The following SORCS3 variants were observed in gnomAD, a reference collection of about 807,000 sequenced individuals.
The protein encoded by SORCS3 is sortilin related VPS10 domain containing receptor 3.
SORCS3 carries 57 observed loss-of-function variants against 146.3 expected under a neutral mutation model. That is an observed-to-expected ratio of 0.39 (90% CI 0.31 to 0.49). The LOEUF (loss-of-function observed/expected upper bound fraction) is 0.49, where lower values mean the gene tolerates loss of function less well. SORCS3 is among the 20% of genes least tolerant of loss of function. The probability of loss-of-function intolerance (pLI) is 0.92; values close to 1 mark genes in which losing one functional copy is unlikely to be tolerated. For missense variants in SORCS3, 1,341 were observed against 1,575.5 expected (o/e 0.85, Z 2.52); for synonymous variants, 653 against 618.5 (o/e 1.06, Z -0.83).
chr10:104,691,395 T>C (rs2016109811), intron 1 of SORCS3, among the ~76,000 whole-genome samples: 3 of 152,152 alleles, frequency 2.0e-5, no homozygotes, highest in African/African-American at 7.2e-5. Context: ...CATAGAGAAG[T>C]CTTTGCTGGA....
At chr10:105,166,893 G>A (rs2056318747) in intron 12 of SORCS3, among the ~76,000 whole-genome samples, 1 of 152,134 alleles carries the variant, frequency 6.6e-6, no homozygotes, top group Admixed American at 6.6e-5. Context: ...AAGAAGAGAA[G>A]GCTGAGTAGT....
chr10:104,915,392 G>A (rs960555283), intron 2 of SORCS3, among the ~76,000 whole-genome samples: 1 of 152,014 alleles, frequency 6.6e-6, no homozygotes, highest in African/African-American at 2.4e-5. Flanking sequence ...GTTGAAGTTG[G>A]TTGTACCCTG....
At chr10:105,166,613 A>G (rs1337818867) in intron 12 of SORCS3, among the ~76,000 whole-genome samples, 3 of 152,132 alleles carry the variant, frequency 2.0e-5, no homozygotes, top group Non-Finnish European at 1.5e-5. Context: ...GAATGAGTGA[A>G]TGGATGGATA....
At position 105,264,282 on chromosome 10, in the gene SORCS3, C is replaced by T. The variant is rs961178333; in HGVS notation, c.*908C>T. The T allele has an allele frequency of 3.3e-5, 5 of 152,004 alleles. No homozygotes were observed. The highest frequency in any genetic ancestry group is 1.2e-4 in the African/African-American group (5 of 41,376). 9.4% of individuals were successfully genotyped at this position (152,004 alleles called of 1,614,324 possible). On this transcript the variant is annotated 3_prime_UTR_variant, in exon 27 of 27. Transcript: ENST00000369701. ...CCCACTAGAGGCTTCATACTGAGAC[C>T]CAGATGGGGGAAAACAGCTTCCTCT...
At chr10:105,235,748 T>C (rs1440727581) in intron 20 of SORCS3, among the ~76,000 whole-genome samples, 1 of 151,878 alleles carries the variant, frequency 6.6e-6, no homozygotes, top group African/African-American at 2.4e-5. Flanking sequence ...ACATGGACCT[T>C]GGATTTAGGG....
At chr10:104,986,729 A>C (rs1156505516) in intron 4 of SORCS3, among the ~76,000 whole-genome samples, 2 of 152,178 alleles carry the variant, frequency 1.3e-5, no homozygotes, top group African/African-American at 4.8e-5. Flanking sequence ...ACAGGGAGAG[A>C]GATAGGAGAA....
At chr10:105,215,984 T>TG (rs1325803802) in intron 18 of SORCS3, among the ~76,000 whole-genome samples, 2 of 2,784 alleles carry the variant, frequency 7.2e-4, no homozygotes, top group Non-Finnish European at 1.4e-3. Context: ...AATGGTGGGG[T>TG]GGGGGGGTGG....
intron 7 of SORCS3, among the ~76,000 whole-genome samples, chr10:105,132,416 A>T (rs936139106): frequency 6.6e-6 from 1 of 152,206 alleles, no homozygotes; most frequent in African/African-American, 2.4e-5. Flanking sequence ...CTCTCTTCTA[A>T]GATTACCTAT....
Position 104,813,286 on chromosome 10 carries a change from A to C in SORCS3, c.628-29506A>C, listed in dbSNP as rs1298388722. Among the ~76,000 whole-genome samples the C allele has an allele frequency of 2.6e-5, 4 of 152,220 alleles. No individual in the cohort carries two copies. In the South Asian group the frequency reaches 8.3e-4, roughly 32 times the overall value. ...ATCTGCTAAGGGTGTTTGTGACTTC[A>C]CATTGTGAAAGGTATCCTCACTTTA... On this transcript the variant is annotated intron_variant, in intron 1 of 26. Transcript: ENST00000369701.
chr10:104,875,033 A>G (rs2018556863), intron 2 of SORCS3, among the ~76,000 whole-genome samples: 1 of 152,170 alleles, frequency 6.6e-6, no homozygotes, highest in Non-Finnish European at 1.5e-5. Flanking sequence ...TTGTGTTTTC[A>G]TTTGAATACA....
chr10:105,234,430 C>G (rs1270271564), intron 20 of SORCS3, among the ~76,000 whole-genome samples: 1 of 151,746 alleles, frequency 6.6e-6, no homozygotes, highest in African/African-American at 2.4e-5. Context: ...TCTGACATTA[C>G]TTTGCTATGA....
At chr10:104,775,333 G>C (rs1383619120) in intron 1 of SORCS3, among the ~76,000 whole-genome samples, 1 of 152,232 alleles carries the variant, frequency 6.6e-6, no homozygotes. Flanking sequence ...TTTGAAGCAA[G>C]TAAGTGCTCA....
At chr10:104,813,154 A>G (rs2017758202) in intron 1 of SORCS3, among the ~76,000 whole-genome samples, 1 of 152,134 alleles carries the variant, frequency 6.6e-6, no homozygotes, top group Non-Finnish European at 1.5e-5. Flanking sequence ...AAATGTGCCA[A>G]AGTATTTTCA....
chr10:105,236,070 G>T (rs1273245483), intron 20 of SORCS3, among the ~76,000 whole-genome samples: 1 of 152,094 alleles, frequency 6.6e-6, no homozygotes, highest in African/African-American at 2.4e-5. Context: ...TGCATTATAT[G>T]TGCCTCATAT....
At chr10:104,984,660 G>A (rs1047857229) in intron 4 of SORCS3, among the ~76,000 whole-genome samples, 2 of 152,102 alleles carry the variant, frequency 1.3e-5, no homozygotes, top group Non-Finnish European at 2.9e-5. Flanking sequence ...TAATATCCAT[G>A]TAGCGACATA....
chr10:105,036,992 C>T (rs1433491262), intron 4 of SORCS3, among the ~76,000 whole-genome samples: 2 of 152,120 alleles, frequency 1.3e-5, no homozygotes, highest in African/African-American at 2.4e-5. Context: ...TCACTTCTAC[C>T]GGGGAGATAC....
intron 8 of SORCS3, among the ~76,000 whole-genome samples, chr10:105,139,859 G>A (rs2056083581): frequency 6.6e-6 from 1 of 152,158 alleles, no homozygotes; most frequent in Non-Finnish European, 1.5e-5. Flanking sequence ...ACGCATAAAA[G>A]TGCACAGATA....
intron 7 of SORCS3, among the ~76,000 whole-genome samples, chr10:105,137,696 T>C (rs773581119): frequency 6.6e-6 from 1 of 152,212 alleles, no homozygotes; most frequent in Non-Finnish European, 1.5e-5. Flanking sequence ...TAGAAAATTC[T>C]TGATCCCCAA....
chr10:105,093,092 TCTC>T (rs1589629186), intron 6 of SORCS3, among the ~76,000 whole-genome samples: 1 of 152,076 alleles, frequency 6.6e-6, no homozygotes, highest in African/African-American at 2.4e-5. Flanking sequence ...CATAAGAAAA[TCTC>T]CTAGAACTAA....
Sources: allele counts gnomAD v4.1 joint callset (sites outside exome capture counted in the v4.1 genomes callset), GRCh38; gene constraint gnomAD v4.1.1; transcripts MANE v1.5; gene names NCBI Gene and HGNC (gene_info 2026-07-23, HGNC 2026-07-21).